Variants in ACSM3 observed in about 807,000 individuals in gnomAD.
ACSM3 encodes the protein acyl-CoA synthetase medium chain family member 3.
A neutral mutation model predicts 74.1 loss-of-function variants in ACSM3; 61 were observed. That is an observed-to-expected ratio of 0.82 (90% confidence interval 0.67 to 1.02). The LOEUF (loss-of-function observed/expected upper bound fraction) is 1.02. Among genes scored for constraint, ACSM3 ranks in the 50% least tolerant of loss-of-function variants. The pLI is 0.00. For synonymous variants in ACSM3, 213 were observed against 241.5 expected (o/e 0.88, Z 1.09); for missense variants, 660 against 697.0 (o/e 0.95, Z 0.60).
chr16:20,699,258 T>C (rs1791703072), intron 1 of ACSM3, among the ~76,000 whole-genome samples: 1 of 152,176 alleles, frequency 6.6e-6, no homozygotes. Context: ...TAAACCAAGG[T>C]AGTCATAGGT....
intron 7 of ACSM3, chr16:20,783,127 G>A (rs981229201): frequency 6.6e-6 from 1 of 152,146 alleles, no homozygotes; most frequent in African/African-American, 2.4e-5. Flanking sequence ...CCCTATACGG[G>A]AGCCCCATTG....
chr16:20,762,614 A>G (rs189480308), upstream of ACSM3, among the ~76,000 whole-genome samples: 2 of 152,352 alleles, frequency 1.3e-5, no homozygotes, highest in Admixed American at 1.3e-4. Flanking sequence ...GGCTGGTTCA[A>G]TATTAGAAGA....
At chr16:20,737,433 CAATA>C (rs2079880509) in intron 1 of ACSM3, 3 of 890,326 alleles carry the variant, frequency 3.4e-6, no homozygotes, top group African/African-American at 3.4e-5. Flanking sequence ...TGAACCCTTA[CAATA>C]AATAAACACA....
rs907496217 is a variant in ACSM3, at chr16:20,790,464, C to A, written c.1225-123C>A. The stretch of plus-strand genomic sequence containing the variant: ...AAAGTGAGACCTTGTCTCACACACA[C>A]AAAATTTTTTTTAAGTCTTCATTTT... On this transcript the variant is annotated intron_variant, in intron 9 of 13. Coordinates refer to ENST00000289416, the MANE Select transcript of ACSM3 (RefSeq NM_005622.4). The surrounding 1 kb of genome is among the most constrained non-coding windows in gnomAD (Gnocchi z 4.0). 15 of 926,502 alleles carry A rather than the reference C, an allele frequency of 1.6e-5. No homozygotes were observed. The highest frequency in any genetic ancestry group is 3.4e-5 in the South Asian group (2 of 59,650). The allele number at this position is 926,502 out of a possible 1,614,324, so 57.4% of individuals were successfully genotyped here.
intron 1 of ACSM3, among the ~76,000 whole-genome samples, chr16:20,692,643 G>C (rs974020950): frequency 6.6e-6 from 1 of 152,194 alleles, no homozygotes; most frequent in Non-Finnish European, 1.5e-5. Context: ...AGGAAATGGG[G>C]TTCTTTATAG....
chr16:20,786,375 C>A, intron 9 of ACSM3: 1 of 971,284 alleles, frequency 1.0e-6, no homozygotes, highest in Non-Finnish European at 1.4e-6. Context: ...CAGTTCTAAG[C>A]ATTTAATAAA....
chr16:20,792,103 A>G lies in ACSM3; in HGVS notation c.1428A>G (p.Arg476=). The part of the protein sequence containing the change: ...DKDGYFWFVA[R]ADDVILSSGY... ...ATGGGTATTTCTGGTTTGTTGCAAG[A>G]GCAGATGATGTCATATTATCCTCTG... Residue 476 remains arginine, a synonymous_variant, in exon 11 of 14, where the codon AGA becomes AGG. Transcript: ENST00000289416. 6.2e-7 allele frequency: 1 copy of G among 1,614,160 alleles called. No individual in the cohort carries two copies. The highest frequency in any genetic ancestry group is 8.5e-7 in the Non-Finnish European group (1 of 1,179,996).
intron 4 of ACSM3, among the ~76,000 whole-genome samples, chr16:20,779,242 G>A (rs778302105): frequency 1.3e-5 from 2 of 151,786 alleles, no homozygotes; most frequent in Admixed American, 1.3e-4. Flanking sequence ...GGGAAACACA[G>A]TGAAACCTCT....
chr16:20,752,592 C>T (rs958277205), intron 2 of ACSM3, among the ~76,000 whole-genome samples: 1 of 152,186 alleles, frequency 6.6e-6, no homozygotes, highest in African/African-American at 2.4e-5. Context: ...GATAAAGCCT[C>T]AGTGGCACTA....
chr16:20,696,405 A>G (rs949255519), intron 1 of ACSM3, among the ~76,000 whole-genome samples: 21 of 152,244 alleles, frequency 1.4e-4, no homozygotes, highest in African/African-American at 4.6e-4. Context: ...GTGCTCAACA[A>G]AAAGTTAGAT....
At chr16:20,721,233 T>C (rs536720256) in intron 1 of ACSM3, 3 of 152,350 alleles carry the variant, frequency 2.0e-5, no homozygotes, top group Non-Finnish European at 4.4e-5. Context: ...TTGTTCATCA[T>C]TGAGGCTATG....
chr16:20,683,672 C>T (rs552799172), intron 1 of ACSM3, among the ~76,000 whole-genome samples: 1 of 144,972 alleles, frequency 6.9e-6, no homozygotes, highest in African/African-American at 2.6e-5. Context: ...GAGAGTCTTG[C>T]CACCACGCCT....
rs150404580 is a variant in ACSM3 at position 20,726,046 on chromosome 16, C to T, written c.-189-23864C>T. 3.7e-3 allele frequency among the ~76,000 whole-genome samples: 569 copies of T among 152,196 alleles called. 1 individual carries two copies. Among genetic ancestry groups the T allele is most frequent in the Non-Finnish European group, 6.0e-3 (410 of 68,012 alleles). ...AAATTGTCCCCTAGTCTACAAACCA[C>T]CGGAATATCCTCTAGGACAACTGGA... On this transcript the variant is annotated intron_variant, in intron 1 of 3. Coordinates refer to the ACSM3 transcript ENST00000561584.
intron 1 of ACSM3, chr16:20,682,575 C>A: frequency 1.3e-6 from 1 of 762,776 alleles, no homozygotes; most frequent in South Asian, 1.7e-5. Flanking sequence ...AAAGTACAGG[C>A]CACAGAACAA....
Position 20,792,299 on chromosome 16 carries a change from A to C in ACSM3, c.1518A>C (p.Ser506=). 1 of 1,614,130 alleles carries C rather than the reference A, an allele frequency of 6.2e-7. No homozygotes were observed. Among genetic ancestry groups the C allele is most frequent in the Non-Finnish European group, 8.5e-7 (1 of 1,179,950 alleles). Residue 506 remains serine, a synonymous_variant, in exon 12 of 14, where the codon TCA becomes TCC. Transcript: ENST00000289416. Reference sequence around the variant, plus strand: ...ATGAACACCCTTCAGTTGCAGAGTCAGCTGTTGTCAGCAGCCCAGACCCCA... The same window carrying C: ...ATGAACACCCTTCAGTTGCAGAGTCCGCTGTTGTCAGCAGCCCAGACCCCA... ...ALNEHPSVAE[S]AVVSSPDPIR...
intron 1 of ACSM3, among the ~76,000 whole-genome samples, chr16:20,768,898 C>T (rs1026473871): frequency 1.3e-5 from 2 of 152,162 alleles, no homozygotes; most frequent in African/African-American, 4.8e-5. Context: ...TCTTCACACA[C>T]ATAAATGGGA....
At chr16:20,767,872 A>G (rs542958906) in intron 1 of ACSM3, among the ~76,000 whole-genome samples, 22 of 152,226 alleles carry the variant, frequency 1.4e-4, no homozygotes, top group Non-Finnish European at 2.6e-4. Flanking sequence ...GGTTGAAAAA[A>G]TAACTAAAAG....
intron 1 of ACSM3, chr16:20,737,756 G>C: frequency 6.2e-7 from 1 of 1,613,416 alleles, no homozygotes; most frequent in Non-Finnish European, 8.5e-7. Flanking sequence ...CTGTTATTTC[G>C]AGATTTGTAC....
intron 4 of ACSM3, among the ~76,000 whole-genome samples, chr16:20,777,897 C>T (rs554853113): frequency 6.6e-6 from 1 of 152,312 alleles, no homozygotes; most frequent in African/African-American, 2.4e-5. Context: ...GCGATGTATT[C>T]CCTACAAAGC....
Sources: gnomAD v4.1 joint callset for allele counts (sites outside exome capture counted in the v4.1 genomes callset) on GRCh38, gnomAD v4.1.1 for gene constraint, Gnocchi (gnomAD v3.1) non-coding constraint, MANE v1.5 for transcripts, NCBI Gene and HGNC (gene_info 2026-07-23, HGNC 2026-07-21) for gene names.